Variants in NECTIN1 observed in about 807,000 individuals in gnomAD.
NECTIN1 encodes nectin-1.
A neutral mutation model predicts 48.0 loss-of-function variants in NECTIN1; 23 were observed. The observed-to-expected ratio is 0.48, with a 90% confidence interval of 0.34 to 0.68. NECTIN1 has a LOEUF of 0.68. NECTIN1 is among the 30% of genes least tolerant of loss of function. The pLI is 0.01. For missense variants in NECTIN1, 591 were observed against 709.9 expected, an observed-to-expected ratio of 0.83 and a Z score of 1.90; for synonymous variants, 270 against 288.9, an observed-to-expected ratio of 0.93 and a Z score of 0.66.
At chr11:119,685,522 G>A (rs947286061) in intron 1 of NECTIN1, among the ~76,000 whole-genome samples, 1 of 152,206 alleles carries the variant, frequency 6.6e-6, no homozygotes, top group Non-Finnish European at 1.5e-5. Flanking sequence ...CCTCCAGCAG[G>A]ACAGGCTGGG....
At position 119,663,523 on chromosome 11, in the gene NECTIN1, A is replaced by G. The variant is rs1864705662; in HGVS notation, c.*1224T>C. ...TTTCTGCCAGGCCCGAGGCTTTGAC[A>G]ATGGCCTTTGTGTGTGAGGCATTGT... On this transcript the variant is annotated 3_prime_UTR_variant, in exon 6 of 6. Coordinates refer to ENST00000264025, the MANE Select transcript of NECTIN1 (RefSeq NM_002855.5). The G allele has an allele frequency of 1.0e-6, 1 of 985,504 alleles. No homozygotes were observed. Among genetic ancestry groups the G allele is most frequent in the Non-Finnish European group, 1.2e-6 (1 of 829,950 alleles). 61.0% of individuals were successfully genotyped at this position (985,504 alleles called of 1,614,324 possible).
intron 1 of NECTIN1, among the ~76,000 whole-genome samples, chr11:119,718,974 A>T (rs1865785360): frequency 6.6e-6 from 1 of 152,238 alleles, no homozygotes; most frequent in South Asian, 2.1e-4. Flanking sequence ...TCTATTTCAT[A>T]TACACCTTAT....
intron 1 of NECTIN1, among the ~76,000 whole-genome samples, chr11:119,696,308 G>A (rs560906741): frequency 6.6e-6 from 1 of 152,186 alleles, no homozygotes; most frequent in African/African-American, 2.4e-5. Flanking sequence ...AGCGACTCAG[G>A]CTGCCTAGAG....
chr11:119,722,411 G>A, intron 1 of NECTIN1, among the ~76,000 whole-genome samples: 1 of 152,262 alleles, frequency 6.6e-6, no homozygotes, highest in East Asian at 1.9e-4. Context: ...GGTGAGTGGA[G>A]TCCTGGAGGG....
chr11:119,660,988 C>T (rs761429024), downstream of NECTIN1: 3 of 974,694 alleles, frequency 3.1e-6, no homozygotes, highest in African/African-American at 5.3e-5. Flanking sequence ...GGGATGCAAA[C>T]CAGTTTGTTT....
chr11:119,708,566 G>C (rs1378991691), intron 1 of NECTIN1, among the ~76,000 whole-genome samples: 1 of 150,314 alleles, frequency 6.7e-6, no homozygotes, highest in Non-Finnish European at 1.5e-5. Context: ...GTCCAGGATA[G>C]GCAGATCCAT....
intron 5 of NECTIN1, among the ~76,000 whole-genome samples, chr11:119,653,329 CG>C (rs1444059804): frequency 3.3e-5 from 5 of 152,198 alleles, no homozygotes; most frequent in African/African-American, 1.2e-4. Context: ...AGGTGGCTCC[CG>C]GGGCATTTCT....
rs1387287962 is a variant in NECTIN1, at chr11:119,727,465, C to T, written c.79+1010G>A. 1.3e-5 allele frequency among the ~76,000 whole-genome samples: 2 copies of T among 152,186 alleles called. No homozygotes were observed. The highest frequency in any genetic ancestry group is 2.9e-5 in the Non-Finnish European group (2 of 68,032). The stretch of plus-strand genomic sequence containing the variant: ...TACCCAGAGAGCTGGAGGAACTCCC[C>T]ACACCCCTTGACCCACGCTTGGTGT... On this transcript the variant is annotated intron_variant, in intron 1 of 5. Coordinates refer to ENST00000264025, the MANE Select transcript of NECTIN1 (RefSeq NM_002855.5). The surrounding 1 kb of genome is among the most constrained non-coding windows in gnomAD (Gnocchi z 4.1).
Position 119,673,125 on chromosome 11 carries a change from G to T in NECTIN1, c.1003+2034C>A, listed in dbSNP as rs1482758006. Among the ~76,000 whole-genome samples, 1 of 152,248 alleles carries T rather than the reference G, an allele frequency of 6.6e-6. No individual in the cohort carries two copies. The highest frequency in any genetic ancestry group is 1.9e-4 in the East Asian group (1 of 5,192). ...AGGGCATGGCTGTGCCCTGCGGGGT[G>T]GGCTCCCCAGAGAATGTGGCAGGCA... On this transcript the variant is annotated intron_variant, in intron 5 of 5. Transcript: ENST00000264025. This position sits in a 1 kb window ranked among gnomAD's most constrained non-coding sequence, Gnocchi z 5.8.
At chr11:119,648,277 A>ATGGTGGTGATGGTGG (rs1864429284) in intron 5 of NECTIN1, among the ~76,000 whole-genome samples, 2 of 25,042 alleles carry the variant, frequency 8.0e-5, no homozygotes, top group African/African-American at 4.1e-4. Context: ...GGTGGTGGTG[A>ATGGTGGTGATGGTGG]TGGTGGTGGT....
chr11:119,661,077 A>C lies in NECTIN1; in HGVS notation c.*3670T>G, dbSNP rs1363673459. On this transcript the variant is annotated 3_prime_UTR_variant, in exon 6 of 6. Transcript: ENST00000264025. Reference sequence around the variant, plus strand: ...CCATCATTTTTTTTTAATACAAGTAAAAGGGGGTGATGCAAACACCCCCCA... The same window carrying C: ...CCATCATTTTTTTTTAATACAAGTACAAGGGGGTGATGCAAACACCCCCCA... 1 of 980,292 alleles carries C rather than the reference A, an allele frequency of 1.0e-6. No homozygotes were observed. The highest frequency in any genetic ancestry group is 1.8e-5 in the African/African-American group (1 of 57,100). The allele number at this position is 980,292 out of a possible 1,614,324, so 60.7% of individuals were successfully genotyped here. A position where few individuals can be genotyped will look rare whatever the true frequency, so the allele number is the denominator to read the frequency against.
downstream of NECTIN1, among the ~76,000 whole-genome samples, chr11:119,656,761 C>T (rs1864580786): frequency 6.6e-6 from 1 of 152,204 alleles, no homozygotes. Flanking sequence ...TGCCACCCTC[C>T]CCTTCCGCCT....
chr11:119,665,319 A>T lies in NECTIN1; in HGVS notation c.1004-22T>A. 1.4e-6 allele frequency: 2 copies of T among 1,438,294 alleles called. No individual in the cohort carries two copies. The highest frequency in any genetic ancestry group is 1.2e-5 in the South Asian group (1 of 83,278). The allele number at this position is 1,438,294 out of a possible 1,614,324, so 89.1% of individuals were successfully genotyped here. ...AATTCTGGGTGAGGAAAAGAGATGG[A>T]GGGGACAGCATCAGCGTGTGCTCCT... is the stretch of plus-strand genomic sequence containing the variant. On this transcript the variant is annotated intron_variant, in intron 5 of 5. Coordinates refer to ENST00000264025, the MANE Select transcript of NECTIN1 (RefSeq NM_002855.5). The surrounding 1 kb of genome is among the most constrained non-coding windows in gnomAD (Gnocchi z 5.1).
chr11:119,662,637 C>G lies in NECTIN1; in HGVS notation c.*2110G>C. On this transcript the variant is annotated 3_prime_UTR_variant, in exon 6 of 6. Transcript: ENST00000264025. The surrounding 1 kb of genome is among the most constrained non-coding windows in gnomAD (Gnocchi z 5.3). ...GGCAGGCCCCTGGGATTGCCTCCTG[C>G]CTGGGGGAAAAGGGGACCAAGCAGA... 1 of 985,450 alleles carries G rather than the reference C, an allele frequency of 1.0e-6. No individual in the cohort carries two copies. The highest frequency in any genetic ancestry group is 1.2e-6 in the Non-Finnish European group (1 of 829,962). The allele number at this position is 985,450 out of a possible 1,614,324, so 61.0% of individuals were successfully genotyped here.
intron 1 of NECTIN1, among the ~76,000 whole-genome samples, chr11:119,685,753 G>A (rs760759655): frequency 3.7e-4 from 56 of 152,304 alleles, no homozygotes; most frequent in Non-Finnish European, 4.9e-4. Context: ...ATCACCTCTT[G>A]GATCACTCTC....
intron 5 of NECTIN1, among the ~76,000 whole-genome samples, chr11:119,645,217 A>G (rs1327074890): frequency 2.0e-5 from 3 of 152,124 alleles, no homozygotes; most frequent in Non-Finnish European, 4.4e-5. Flanking sequence ...GGGCCCATCC[A>G]GTGGCTGAGT....
In NECTIN1 at chr11:119,664,883, T is replaced by C; in HGVS notation, c.1418A>G (p.Glu473Gly). The C allele has an allele frequency of 6.2e-7, 1 of 1,614,024 alleles. No homozygotes were observed. The highest frequency in any genetic ancestry group is 8.5e-7 in the Non-Finnish European group (1 of 1,179,956). ...GTAGCCGTCCTGACGGGCCTCGGCC[T>C]CATCCACGGTGAAGTAGGGCCGCTT... ...DAKRPYFTVDEAEARQDGYGD... is the reference protein window; with the variant it reads ...DAKRPYFTVDGAEARQDGYGD... Residue 473 changes from glutamate to glycine, a missense_variant, in exon 6 of 6, where the codon GAG becomes GGG. Physicochemically the swap from Glu to Gly is moderately conservative, Grantham distance 98. Transcript: ENST00000264025.
At chr11:119,688,008 G>T (rs551889584) in intron 1 of NECTIN1, among the ~76,000 whole-genome samples, 27 of 152,182 alleles carry the variant, frequency 1.8e-4, no homozygotes, top group Non-Finnish European at 3.5e-4. Flanking sequence ...ACAGATGAGA[G>T]ATTAAGAGGA....
Position 119,661,709 on chromosome 11 carries a change from G to GC in NECTIN1, c.*3037dup. 1.0e-6 allele frequency: 1 copy of GC among 985,846 alleles called. No individual in the cohort carries two copies. The highest frequency in any genetic ancestry group is 1.2e-6 in the Non-Finnish European group (1 of 829,948). The allele number at this position is 985,846 out of a possible 1,614,324, so 61.1% of individuals were successfully genotyped here. ...AGGAAGCGCATGCCCAGGAAACAGGGCCCCTATAAGGCTCTCTTGCAGCCC... is the reference window on the plus strand; with the variant it reads ...AGGAAGCGCATGCCCAGGAAACAGGGCCCCCTATAAGGCTCTCTTGCAGCCC... On this transcript the variant is annotated 3_prime_UTR_variant, in exon 6 of 6. Transcript: ENST00000264025.
Sources: gnomAD v4.1 joint callset for allele counts (sites outside exome capture counted in the v4.1 genomes callset) on GRCh38, gnomAD v4.1.1 for gene constraint, Gnocchi (gnomAD v3.1) non-coding constraint, MANE v1.5 for transcripts, NCBI Gene and HGNC (gene_info 2026-07-23, HGNC 2026-07-21) for gene names.